The following F13B variants were observed in gnomAD, a reference collection of about 807,000 sequenced individuals.
F13B encodes TGase.
In F13B, 58 loss-of-function variants were observed where a neutral mutation model predicts 79.8. That is an observed-to-expected ratio of 0.73 (90% confidence interval 0.59 to 0.90). F13B has a LOEUF of 0.90. Among genes scored for constraint, F13B ranks in the 40% least tolerant of loss-of-function variants. The pLI is 0.00. For synonymous variants in F13B, 283 were observed against 260.3 expected (o/e 1.09, Z -0.84); for missense variants, 773 against 777.0 (o/e 0.99, Z 0.06).
chr1:197,048,475 G>A (rs17549388), intron 10 of F13B, among the ~76,000 whole-genome samples: 12 of 151,798 alleles, frequency 7.9e-5, no homozygotes, highest in Non-Finnish European at 1.5e-4. Flanking sequence ...AAGCCCCTTG[G>A]TGCAGCTAAA....
At chr1:197,061,146 G>A in intron 3 of F13B, 71 bp from the exon 4 acceptor site, 1 of 829,546 alleles carries the variant, frequency 1.2e-6, no homozygotes. Context: ...CTCAAAATAT[G>A]GTTTTACAAA....
At position 197,067,248 on chromosome 1, in the gene F13B, T is replaced by C; in HGVS notation, c.-25A>G. ...TCTTCAGTGGTGTGCTTCACAAAGA[T>C]TTTAACAATTCTAAGCACTAGGAAC... is the stretch of plus-strand genomic sequence containing the variant. On this transcript the variant is annotated 5_prime_UTR_variant, in exon 1 of 12. Transcript: ENST00000367412. 1.3e-6 allele frequency: 2 copies of C among 1,564,358 alleles called. No homozygotes were observed. The highest frequency in any genetic ancestry group is 1.8e-6 in the Non-Finnish European group (2 of 1,135,788).
Position 197,040,624 on chromosome 1 carries a change from C to T in F13B, c.1850G>A (p.Arg617Lys). The change falls in exon 11 of 12, where the codon AGA (arginine) becomes AAA (lysine). Residue 617 changes from arginine (R) to lysine (K), a missense_variant. By Grantham distance (26) the Arg-to-Lys change is conservative. Transcript: ENST00000367412. ...LHGEYIEFICRGDTYPAELYI... is the reference protein window; with the variant it reads ...LHGEYIEFICKGDTYPAELYI... ...TAATTCAGCTGGATAAGTATCTCCT[C>T]TACAAATAAACTCAATATATTCACC... 3.7e-6 allele frequency: 6 copies of T among 1,612,802 alleles called. No homozygotes were observed. The highest frequency in any genetic ancestry group is 5.1e-6 in the Non-Finnish European group (6 of 1,179,102).
Position 197,061,059 on chromosome 1 carries a change from A to G in F13B, c.468T>C (p.Pro156=). Residue 156 remains proline (P), a synonymous_variant, in exon 4 of 12, where the codon CCT becomes CCC. Coordinates refer to ENST00000367412, the MANE Select transcript of F13B (RefSeq NM_001994.3). ...TGGAATAATTTCCATTATATAATTC[A>G]GGAGCCAAACATGTTTCTAAAATTA... The part of the protein sequence containing the change: ...CRKEHETCLA[P]ELYNGNYSTT... 4 of 1,550,448 alleles carry G rather than the reference A, an allele frequency of 2.6e-6. No homozygotes were observed. In the South Asian group the frequency reaches 4.8e-5, roughly 19 times the overall value.
At chr1:197,041,636 A>C (rs1432454154) in intron 10 of F13B, among the ~76,000 whole-genome samples, 1 of 152,066 alleles carries the variant, frequency 6.6e-6, no homozygotes, top group Non-Finnish European at 1.5e-5. Context: ...CAGGGGATAC[A>C]TTTCAAGAGC....
chr1:197,040,303 A>T, intron 11 of F13B: 1 of 503,538 alleles, frequency 2.0e-6, no homozygotes, highest in Non-Finnish European at 3.5e-6. Flanking sequence ...CAAATATCAA[A>T]TGGCAAACGT....
At chr1:197,063,194 G>A in intron 1 of F13B, 137 bp from the exon 2 acceptor site, 1 of 722,496 alleles carries the variant, frequency 1.4e-6, no homozygotes, top group Non-Finnish European at 2.3e-6. Flanking sequence ...AATTTTTAAG[G>A]TACTTTTGTG....
At chr1:197,051,024 C>A (rs535968330) in intron 9 of F13B, 145 bp from the exon 10 acceptor site, 2 of 683,718 alleles carry the variant, frequency 2.9e-6, no homozygotes, top group East Asian at 5.6e-5. Flanking sequence ...CTCTGCCTCC[C>A]AGGCTCAAGT....
intron 9 of F13B, among the ~76,000 whole-genome samples, chr1:197,052,377 A>C (rs1439146176): frequency 6.6e-6 from 1 of 152,058 alleles, no homozygotes; most frequent in African/African-American, 2.4e-5. Context: ...TTCCTCAAGG[A>C]CCTAGAACCA....
intron 8 of F13B, among the ~76,000 whole-genome samples, chr1:197,053,524 T>A (rs1655527107): frequency 6.6e-6 from 1 of 152,120 alleles, no homozygotes; most frequent in African/African-American, 2.4e-5. Flanking sequence ...TCTACCATGA[T>A]TGTGAGGCCT....
rs1654952496 is a variant in F13B, at chr1:197,039,368, C to T, written c.*10G>A. The T allele has an allele frequency of 6.2e-7, 1 of 1,604,734 alleles. No homozygotes were observed. The highest frequency in any genetic ancestry group is 8.5e-7 in the Non-Finnish European group (1 of 1,172,888). Reference sequence around the variant, plus strand: ...TATTGAAATATGACTCCTCTTTCTGCCATTCATTTCTATGTTCTTAAGGGT... The same window carrying T: ...TATTGAAATATGACTCCTCTTTCTGTCATTCATTTCTATGTTCTTAAGGGT... On this transcript the variant is annotated 3_prime_UTR_variant, in exon 12 of 12. Transcript: ENST00000367412.
At chr1:197,049,976 T>C (rs1395090124) in intron 10 of F13B, among the ~76,000 whole-genome samples, 1 of 152,142 alleles carries the variant, frequency 6.6e-6, no homozygotes, top group African/African-American at 2.4e-5. Flanking sequence ...GATTGAAGAT[T>C]CTTTAAAAAT....
rs189852321 is a variant in F13B at position 197,055,009 on chromosome 1, A to G, written c.1354+706T>C. Among the ~76,000 whole-genome samples the G allele has an allele frequency of 1.0e-3, 157 of 152,222 alleles. 2 individuals carry two copies. Among genetic ancestry groups the G allele is most frequent in the Non-Finnish European group, 8.8e-5 (6 of 67,964 alleles). On this transcript the variant is annotated intron_variant, in intron 8 of 11. Coordinates refer to ENST00000367412, the MANE Select transcript of F13B (RefSeq NM_001994.3). ...TCCATCAATAAACTGGTTAAATTAC[A>G]TATGTATATCTGCATTATGGAATAC...
At chr1:197,059,186 A>T (rs1655755141) in intron 5 of F13B, among the ~76,000 whole-genome samples, 1 of 152,194 alleles carries the variant, frequency 6.6e-6, no homozygotes, top group South Asian at 2.1e-4. Context: ...ACTGCACTCT[A>T]GCTTAGGCGA....
rs1424588460 is a variant in F13B at position 197,039,416 on chromosome 1, AG to A, written c.1953-6del. 8 of 1,609,108 alleles carry A rather than the reference AG, an allele frequency of 5.0e-6. No homozygotes were observed. The highest frequency in any genetic ancestry group is 1.7e-4 in the Middle Eastern group (1 of 6,042). ...GGTTCTTGATAAGACAGAGTGCTTG[AG>A]GGGAAAAAGAGAGATTTTTGAAATA... On this transcript the variant is annotated splice_polypyrimidine_tract_variant and splice_region_variant and intron_variant, in intron 11 of 11. Transcript: ENST00000367412.
At position 197,057,297 on chromosome 1, in the gene F13B, G is replaced by C. The variant is rs1388751836; in HGVS notation, c.974C>G (p.Pro325Arg). Residue 325 changes from proline to arginine, a missense_variant, in exon 6 of 12, where the codon CCA becomes CGA. By Grantham distance (103) the Pro-to-Arg change is moderately radical. Coordinates refer to ENST00000367412, the MANE Select transcript of F13B (RefSeq NM_001994.3). ...AAGGTGTTACTAACCAATGCATTTTGGAGGTTCTGTCCATTTTCCATCTTC... is the reference window on the plus strand; with the variant it reads ...AAGGTGTTACTAACCAATGCATTTTCGAGGTTCTGTCCATTTTCCATCTTC... ...RCEDGKWTEP[P>R]KCIEGQEKVA... The C allele has an allele frequency of 6.2e-7, 1 of 1,613,846 alleles. No individual in the cohort carries two copies. Among genetic ancestry groups the C allele is most frequent in the East Asian group, 2.2e-5 (1 of 44,864 alleles).
chr1:197,042,981 G>A (rs10754210), intron 10 of F13B, among the ~76,000 whole-genome samples: 39,164 of 151,194 alleles, frequency 0.26, 5,484 homozygotes, highest in Non-Finnish European at 0.32. Flanking sequence ...TGAGAATTTC[G>A]GTAAACCAAA....
chr1:197,060,446 T>C lies in F13B; in HGVS notation c.725A>G (p.His242Arg). Reference protein sequence around the residue: ...EEGDVVQFFCHENYYLSGSDL... With the variant: ...EEGDVVQFFCRENYYLSGSDL... ...AGATCCACTTAGATAATAATTTTCA[T>C]GACAGAAAAACTGAACGACATCTCC... The change falls in exon 5 of 12, where the codon CAT becomes CGT. Residue 242 changes from histidine to arginine, a missense_variant. Physicochemically the swap from His to Arg is conservative, Grantham distance 29. Transcript: ENST00000367412. 6.2e-7 allele frequency: 1 copy of C among 1,611,118 alleles called. No homozygotes were observed. The highest frequency in any genetic ancestry group is 1.7e-5 in the Admixed American group (1 of 59,854).
In F13B at chr1:197,039,302, T is replaced by G; in HGVS notation, c.*76A>C. ...AAGGAAAAACTCCGAAGTTTTTAAC[T>G]TATTTCCTCAAAATTATATTTTATA... On this transcript the variant is annotated 3_prime_UTR_variant, in exon 12 of 12. Transcript: ENST00000367412. The G allele has an allele frequency of 7.7e-7, 1 of 1,301,402 alleles. No individual in the cohort carries two copies. The highest frequency in any genetic ancestry group is 1.1e-6 in the Non-Finnish European group (1 of 909,762). The allele number at this position is 1,301,402 out of a possible 1,614,324, so 80.6% of individuals were successfully genotyped here.
Sources: allele counts gnomAD v4.1 joint callset (sites outside exome capture counted in the v4.1 genomes callset), GRCh38; gene constraint gnomAD v4.1.1; transcripts MANE v1.5; gene names NCBI Gene and HGNC (gene_info 2026-07-23, HGNC 2026-07-21).